ZNF804B: variants seen among roughly 807,000 people sequenced by gnomAD.
ZNF804B encodes the protein zinc finger protein 804B.
Under a neutral mutation model 101.4 loss-of-function variants are expected in ZNF804B, and 80 were observed. That is an observed-to-expected ratio of 0.79 (90% CI 0.66 to 0.95). The LOEUF (loss-of-function observed/expected upper bound fraction) is 0.95. ZNF804B is among the 40% of genes least tolerant of loss of function. The pLI is 0.00. For synonymous variants in ZNF804B, 622 were observed against 558.8 expected (o/e 1.11, Z -1.59); for missense variants, 1,673 against 1,561.9 (o/e 1.07, Z -1.20).
chr7:89,013,050 G>A (rs1788488888), intron 1 of ZNF804B, among the ~76,000 whole-genome samples: 2 of 152,232 alleles, frequency 1.3e-5, no homozygotes, highest in South Asian at 2.1e-4. Context: ...CAGATCTCAT[G>A]AGACTCACTC....
At position 88,816,006 on chromosome 7, in the gene ZNF804B, T is replaced by C. The variant is rs1236839254; in HGVS notation, c.108+55922T>C. 2.0e-5 allele frequency among the ~76,000 whole-genome samples: 3 copies of C among 152,176 alleles called. No individual in the cohort carries two copies. In the South Asian group the frequency reaches 6.2e-4, roughly 31 times the overall value. On this transcript the variant is annotated intron_variant, in intron 1 of 3. Transcript: ENST00000333190. ...CTCTTGCTGTTGAATGCTCTTGCTA[T>C]CCTACTCCGACTCTAAATATTTCAC...
At chr7:88,806,973 A>T (rs1054207440) in intron 1 of ZNF804B, among the ~76,000 whole-genome samples, 2 of 152,090 alleles carry the variant, frequency 1.3e-5, no homozygotes, top group African/African-American at 4.8e-5. Context: ...CGGTCATATT[A>T]TTATATTGGA....
intron 2 of ZNF804B, among the ~76,000 whole-genome samples, chr7:89,248,194 C>T (rs928255909): frequency 6.6e-6 from 1 of 152,082 alleles, no homozygotes; most frequent in African/African-American, 2.4e-5. Context: ...TAAGGGAATA[C>T]TTCAAGAGAA....
chr7:88,800,274 A>G (rs911452245), intron 1 of ZNF804B, among the ~76,000 whole-genome samples: 1 of 152,052 alleles, frequency 6.6e-6, no homozygotes, highest in African/African-American at 2.4e-5. Flanking sequence ...TGAAAAAGAC[A>G]TTCCCCCTCC....
At chr7:89,275,469 T>TC (rs1475466457) in intron 2 of ZNF804B, among the ~76,000 whole-genome samples, 10 of 151,916 alleles carry the variant, frequency 6.6e-5, no homozygotes, top group South Asian at 2.1e-4. Flanking sequence ...ATCTGGTGCT[T>TC]CCTGCTGCTT....
intron 1 of ZNF804B, among the ~76,000 whole-genome samples, chr7:88,899,312 G>A (rs886342685): frequency 1.3e-5 from 2 of 151,890 alleles, no homozygotes; most frequent in African/African-American, 2.4e-5. Context: ...TTCTGGGGAC[G>A]GTGGTTACCT....
In ZNF804B at chr7:89,249,593, C is replaced by T. The variant is rs546024709; in HGVS notation, c.249+31298C>T. Among the ~76,000 whole-genome samples, 3 of 151,976 alleles carry T rather than the reference C, an allele frequency of 2.0e-5. No homozygotes were observed. The South Asian group carries it at 6.2e-4, about 32-fold the overall frequency. ...AAAAATTATTTGAAATAAATGAAAACACAGATACAATATACTAAAAATCTC... is the reference window on the plus strand; with the variant it reads ...AAAAATTATTTGAAATAAATGAAAATACAGATACAATATACTAAAAATCTC... On this transcript the variant is annotated intron_variant, in intron 2 of 3. Transcript: ENST00000333190.
chr7:88,877,005 AAAAT>A (rs1231790231), intron 1 of ZNF804B, among the ~76,000 whole-genome samples: 1 of 85,066 alleles, frequency 1.2e-5, no homozygotes, highest in Admixed American at 1.2e-4. Context: ...TTTGAAAAAA[AAAAT>A]ATATATATAT....
chr7:89,195,117 A>T (rs1337713680), intron 1 of ZNF804B, among the ~76,000 whole-genome samples: 2 of 148,916 alleles, frequency 1.3e-5, no homozygotes, highest in African/African-American at 4.9e-5. Context: ...GATGCAGAAA[A>T]GGCCTTTGAC....
chr7:88,896,194 T>G (rs1178254228), intron 1 of ZNF804B, among the ~76,000 whole-genome samples: 1 of 152,192 alleles, frequency 6.6e-6, no homozygotes, highest in African/African-American at 2.4e-5. Context: ...TGTGAAAAAC[T>G]TCTGAAGAAA....
chr7:89,306,884 A>G (rs1258228094), intron 2 of ZNF804B, among the ~76,000 whole-genome samples: 1 of 151,992 alleles, frequency 6.6e-6, no homozygotes, highest in Non-Finnish European at 1.5e-5. Flanking sequence ...AGGAACAGCC[A>G]TTGTTCAGAT....
chr7:89,278,763 A>G (rs1357792485), intron 2 of ZNF804B, among the ~76,000 whole-genome samples: 2 of 149,914 alleles, frequency 1.3e-5, no homozygotes, highest in South Asian at 2.1e-4. Context: ...GCCTTGTAGT[A>G]TAGTTTGAAG....
chr7:88,838,912 C>T (rs1562807933), intron 1 of ZNF804B, among the ~76,000 whole-genome samples: 1 of 152,090 alleles, frequency 6.6e-6, no homozygotes, highest in East Asian at 1.9e-4. Context: ...AATGTAACCT[C>T]CATAAATAAA....
At chr7:89,174,099 A>C (rs1216442446) in intron 1 of ZNF804B, among the ~76,000 whole-genome samples, 2 of 151,932 alleles carry the variant, frequency 1.3e-5, no homozygotes, top group East Asian at 3.9e-4. Context: ...TTCCGATTAT[A>C]CTGTTTTAGT....
In ZNF804B at chr7:89,335,936, A is replaced by G. The variant is rs1282508695; in HGVS notation, c.2954A>G (p.Tyr985Cys). 4 of 1,614,008 alleles carry G rather than the reference A, an allele frequency of 2.5e-6. No individual in the cohort carries two copies. In the East Asian group the frequency reaches 8.9e-5, roughly 36 times the overall value. The change falls in exon 4 of 4, where the codon TAT becomes TGT. Residue 985 changes from tyrosine (Y) to cysteine (C), a missense_variant. Transcript: ENST00000333190. ...QALPLSEKIQ[Y>C]ASESRNDQDS... is the part of the protein sequence containing the mutation. ...TTGCCTTTGTCTGAAAAAATACAGT[A>G]TGCAAGTGAGAGCAGAAATGATCAA...
intron 2 of ZNF804B, among the ~76,000 whole-genome samples, chr7:89,323,435 A>G (rs1024830894): frequency 2.6e-5 from 4 of 152,190 alleles, no homozygotes; most frequent in African/African-American, 9.7e-5. Context: ...AAAACCAAGC[A>G]ATATTTATCC....
At chr7:89,220,030 T>C (rs1383571596) in intron 2 of ZNF804B, among the ~76,000 whole-genome samples, 1 of 138,502 alleles carries the variant, frequency 7.2e-6, no homozygotes, top group Non-Finnish European at 1.5e-5. Context: ...TACATATATA[T>C]ACGCACATAT....
chr7:88,893,175 C>T lies in ZNF804B; in HGVS notation c.108+133091C>T, dbSNP rs983336159. ...ATACCTCCAGGGTAAATGCCACTTTCAGCATTTGATATGGTAAGCACATAT... is the reference window on the plus strand; with the variant it reads ...ATACCTCCAGGGTAAATGCCACTTTTAGCATTTGATATGGTAAGCACATAT... On this transcript the variant is annotated intron_variant, in intron 1 of 3. Coordinates refer to ENST00000333190, the MANE Select transcript of ZNF804B (RefSeq NM_181646.5). 2.6e-5 allele frequency among the ~76,000 whole-genome samples: 4 copies of T among 152,168 alleles called. No individual in the cohort carries two copies. The Middle Eastern group carries it at 0.014, about 518-fold the overall frequency.
At chr7:89,278,502 T>G (rs1477652428) in intron 2 of ZNF804B, among the ~76,000 whole-genome samples, 1 of 151,730 alleles carries the variant, frequency 6.6e-6, no homozygotes, top group African/African-American at 2.4e-5. Context: ...TTTCAGTCTT[T>G]AATGCATCTT....
Sources: allele counts gnomAD v4.1 joint callset (sites outside exome capture counted in the v4.1 genomes callset), GRCh38; gene constraint gnomAD v4.1.1; transcripts MANE v1.5; gene names NCBI Gene and HGNC (gene_info 2026-07-23, HGNC 2026-07-21).